OSBPL10: variants seen among roughly 807,000 people sequenced by gnomAD.
OSBPL10 encodes the protein oxysterol-binding protein-related protein 10.
In OSBPL10, 49 loss-of-function variants were observed where a neutral mutation model predicts 81.7. The observed-to-expected ratio is 0.60, with a 90% CI of 0.48 to 0.76. The LOEUF (loss-of-function observed/expected upper bound fraction) is 0.76, where lower values mean the gene tolerates loss of function less well. Ranked by LOEUF, OSBPL10 falls within the 30% of genes least tolerant of loss-of-function variation. The pLI, the probability that OSBPL10 is intolerant of heterozygous loss-of-function variation, is 0.00. For missense variants in OSBPL10, 923 were observed against 987.8 expected (o/e 0.93, Z 0.88); for synonymous variants, 419 against 383.6 (o/e 1.09, Z -1.08).
intron 7 of OSBPL10, among the ~76,000 whole-genome samples, chr3:31,686,839 C>T (rs1700803813): frequency 6.6e-6 from 1 of 152,188 alleles, no homozygotes; most frequent in African/African-American, 2.4e-5. Flanking sequence ...CTGGGGGCTG[C>T]TCTTCCAATG....
chr3:31,935,681 G>A (rs754786406), intron 1 of OSBPL10, among the ~76,000 whole-genome samples: 11 of 151,756 alleles, frequency 7.2e-5, no homozygotes, highest in Non-Finnish European at 8.8e-5. Context: ...CCCCCACCAC[G>A]CCCGGCTAAT....
chr3:31,782,009 C>T (rs1698709072), intron 4 of OSBPL10, among the ~76,000 whole-genome samples: 1 of 152,200 alleles, frequency 6.6e-6, no homozygotes. Flanking sequence ...CAAGACTAGG[C>T]AACAAGAACA....
intron 7 of OSBPL10, among the ~76,000 whole-genome samples, chr3:31,690,892 C>T (rs1326543118): frequency 2.7e-5 from 4 of 148,302 alleles, no homozygotes; most frequent in African/African-American, 2.5e-5. Flanking sequence ...ATTTCTTCCT[C>T]TCCTACAATC....
intron 1 of OSBPL10, among the ~76,000 whole-genome samples, chr3:31,968,511 GAAAAAAA>G: frequency 7.7e-6 from 1 of 130,566 alleles, no homozygotes; most frequent in East Asian, 2.2e-4. Flanking sequence ...TTTTGAAGGG[GAAAAAAA>G]AAAAAAAAAC....
chr3:31,880,712 A>G (rs1279271291), intron 1 of OSBPL10, among the ~76,000 whole-genome samples: 1 of 152,190 alleles, frequency 6.6e-6, no homozygotes, highest in Non-Finnish European at 1.5e-5. Flanking sequence ...GCCTCCTGCC[A>G]CAGGACCTTT....
At chr3:31,896,014 G>A (rs868506904) in intron 1 of OSBPL10, among the ~76,000 whole-genome samples, 1 of 152,056 alleles carries the variant, frequency 6.6e-6, no homozygotes, top group Non-Finnish European at 1.5e-5. Context: ...CACACACACA[G>A]TACTAGAAAT....
At chr3:32,025,280 A>G (rs1280180912) in intron 2 of OSBPL10, among the ~76,000 whole-genome samples, 1 of 152,210 alleles carries the variant, frequency 6.6e-6, no homozygotes, top group Non-Finnish European at 1.5e-5. Context: ...TTAATATGGT[A>G]TATCACATTA....
At chr3:31,855,328 T>C (rs964558273) in intron 3 of OSBPL10, among the ~76,000 whole-genome samples, 1 of 152,218 alleles carries the variant, frequency 6.6e-6, no homozygotes, top group East Asian at 1.9e-4. Context: ...TGAGTTGTCA[T>C]GTATCTTTAG....
At chr3:31,913,029 C>G (rs924079037) in intron 1 of OSBPL10, among the ~76,000 whole-genome samples, 7 of 152,212 alleles carry the variant, frequency 4.6e-5, no homozygotes, top group African/African-American at 1.7e-4. Context: ...CCCACACACC[C>G]GCATATATAA....
At chr3:31,852,423 G>C (rs1362354402) in intron 3 of OSBPL10, among the ~76,000 whole-genome samples, 1 of 152,156 alleles carries the variant, frequency 6.6e-6, no homozygotes, top group Non-Finnish European at 1.5e-5. Context: ...AATGTCAATA[G>C]TACCAAGGTG....
At chr3:32,017,369 C>T (rs1305573464) in intron 2 of OSBPL10, among the ~76,000 whole-genome samples, 2 of 152,196 alleles carry the variant, frequency 1.3e-5, no homozygotes, top group African/African-American at 2.4e-5. Context: ...TCAAGCTACA[C>T]ATTTTTACTC....
At chr3:31,890,036 A>G (rs544529821) in intron 1 of OSBPL10, among the ~76,000 whole-genome samples, 2 of 152,050 alleles carry the variant, frequency 1.3e-5, no homozygotes, top group South Asian at 4.2e-4. Context: ...CTGACTCTCA[A>G]CCTACACCTA....
rs550207062 is a variant in OSBPL10, at chr3:32,050,175, G to A, written n.186-3572C>T. ...TCGCCATCTGGAGGACAGGAATTTT[G>A]GAGTTTATGTCATAGCTCTAAAACA... is the stretch of plus-strand genomic sequence containing the variant. On this transcript the variant is annotated intron_variant and non_coding_transcript_variant, in intron 1 of 3. Coordinates refer to the OSBPL10 transcript ENST00000479173. 3.9e-5 allele frequency among the ~76,000 whole-genome samples: 6 copies of A among 152,292 alleles called. No individual in the cohort carries two copies. In the East Asian group the frequency reaches 9.6e-4, roughly 24 times the overall value.
At chr3:31,744,795 A>C (rs1697469326) in intron 5 of OSBPL10, among the ~76,000 whole-genome samples, 1 of 152,066 alleles carries the variant, frequency 6.6e-6, no homozygotes, top group African/African-American at 2.4e-5. Flanking sequence ...GGAAAAAAAA[A>C]AACAACGAAT....
intron 1 of OSBPL10, among the ~76,000 whole-genome samples, chr3:31,928,804 T>C (rs1360580243): frequency 6.7e-6 from 1 of 150,056 alleles, no homozygotes; most frequent in Non-Finnish European, 1.5e-5. Flanking sequence ...TGTATATTTA[T>C]ACCCTTTAAA....
At chr3:31,826,090 T>G (rs1700095003) in intron 4 of OSBPL10, among the ~76,000 whole-genome samples, 1 of 152,198 alleles carries the variant, frequency 6.6e-6, no homozygotes, top group Non-Finnish European at 1.5e-5. Context: ...AAATTAATTT[T>G]CTTCCTCCTA....
At chr3:31,735,153 G>A (rs1032969314) in intron 5 of OSBPL10, among the ~76,000 whole-genome samples, 4 of 152,188 alleles carry the variant, frequency 2.6e-5, no homozygotes, top group African/African-American at 4.8e-5. Context: ...GCCTCAAGTG[G>A]GCCAGACACG....
intron 1 of OSBPL10, among the ~76,000 whole-genome samples, chr3:31,909,224 A>G (rs990434925): frequency 6.6e-6 from 1 of 152,158 alleles, no homozygotes; most frequent in Admixed American, 6.5e-5. Context: ...TATTTCTGTA[A>G]CACTCTCCTT....
intron 5 of OSBPL10, among the ~76,000 whole-genome samples, chr3:31,747,311 T>C (rs893833574): frequency 1.3e-5 from 2 of 151,672 alleles, no homozygotes; most frequent in African/African-American, 4.8e-5. Flanking sequence ...GAATGAGACT[T>C]TGACTCAAAA....
Sources: gnomAD v4.1 joint callset for allele counts (sites outside exome capture counted in the v4.1 genomes callset) on GRCh38, gnomAD v4.1.1 for gene constraint, MANE v1.5 for transcripts, NCBI Gene and HGNC (gene_info 2026-07-23, HGNC 2026-07-21) for gene names.